QARS1: variants seen among roughly 807,000 people sequenced by gnomAD.
QARS1 encodes the protein glutamine--tRNA ligase.
QARS1 carries 79 observed loss-of-function variants against 106.9 expected under a neutral mutation model. That is an observed-to-expected ratio of 0.74 (90% CI 0.62 to 0.89). QARS1 has a LOEUF of 0.89. QARS1 is among the 40% of genes least tolerant of loss of function. The pLI, the probability that QARS1 is intolerant of heterozygous loss-of-function variation, is 0.00. For missense variants in QARS1, 966 were observed against 997.2 expected (o/e 0.97, Z 0.42); for synonymous variants, 395 against 367.7 (o/e 1.07, Z -0.85).
Position 49,096,615 on chromosome 3 carries a change from C to T in QARS1, c.2278-536G>A, listed in dbSNP as rs532123663. 1.2e-4 allele frequency among the ~76,000 whole-genome samples: 18 copies of T among 151,620 alleles called. No individual in the cohort carries two copies. The South Asian group carries it at 1.3e-3, about 11-fold the overall frequency. ...GAGATCGAGACCATCCTGGCTAACACGGTGAAACCCCGTCTCTACTAAAAA... is the reference window on the plus strand; with the variant it reads ...GAGATCGAGACCATCCTGGCTAACATGGTGAAACCCCGTCTCTACTAAAAA... On this transcript the variant is annotated intron_variant, in intron 23 of 23. Transcript: ENST00000306125.
chr3:49,104,392 G>C lies in QARS1; in HGVS notation c.197C>G (p.Thr66Ser). The C allele has an allele frequency of 6.2e-7, 1 of 1,614,228 alleles. No individual in the cohort carries two copies. The highest frequency in any genetic ancestry group is 8.5e-7 in the Non-Finnish European group (1 of 1,180,042). ...GCTTACAAGGAAGGAGAGACGCCGG[G>C]TATCCCTGAGTCGGGAGGCCAAGCC... ...LYGLASRLRD[T>S]RRLSFLVSYI... Residue 66 changes from threonine (T) to serine (S), a missense_variant, in exon 2 of 24, where the codon ACC becomes AGC. By Grantham distance (58) the Thr-to-Ser change is moderately conservative. Transcript: ENST00000306125.
Position 49,101,701 on chromosome 3 carries a change from C to T in QARS1, c.708G>A (p.Glu236=). 1.2e-6 allele frequency: 2 copies of T among 1,614,106 alleles called. No individual in the cohort carries two copies. The highest frequency in any genetic ancestry group is 1.7e-6 in the Non-Finnish European group (2 of 1,180,020). The change falls in exon 9 of 24, where the codon GAG becomes GAA. Residue 236 remains glutamate (E), a synonymous_variant. Coordinates refer to ENST00000306125, the MANE Select transcript of QARS1 (RefSeq NM_005051.3). ...GEALKFHKPG[E]NYKTPGYVVT... ...CCACATAGCCTGGGGTCTTGTAGTT[C>T]TCACCTGCCAGGACCAGAATAAGCC...
chr3:49,096,219 T>C (rs1008618565), intron 23 of QARS1, 140 bp from the exon 24 acceptor site: 6 of 789,348 alleles, frequency 7.6e-6, no homozygotes, highest in Non-Finnish European at 1.0e-5. Context: ...GAGGCCCGGG[T>C]CCTCAATAAC....
chr3:49,102,414 C>G lies in QARS1; in HGVS notation c.570+5G>C. 1.2e-6 allele frequency: 2 copies of G among 1,614,152 alleles called. No individual in the cohort carries two copies. Among genetic ancestry groups the G allele is most frequent in the Non-Finnish European group, 1.7e-6 (2 of 1,180,022 alleles). ...TCAGGGACTCAGGGCCATGCCCATC[C>G]CTACCTTGAACTTCTTCTCCAGATC... On this transcript the variant is annotated splice_donor_5th_base_variant and intron_variant, in intron 6 of 23. Coordinates refer to ENST00000306125, the MANE Select transcript of QARS1 (RefSeq NM_005051.3).
At position 49,098,670 on chromosome 3, in the gene QARS1, C is replaced by A; in HGVS notation, c.1886G>T (p.Arg629Leu). 6.2e-7 allele frequency: 1 copy of A among 1,604,348 alleles called. No individual in the cohort carries two copies. The highest frequency in any genetic ancestry group is 8.5e-7 in the Non-Finnish European group (1 of 1,175,634). Residue 629 changes from arginine to leucine, a missense_variant, in exon 20 of 24, where the codon CGC becomes CTC. Arg to Leu is a moderately radical substitution (Grantham distance 102). Coordinates refer to ENST00000306125, the MANE Select transcript of QARS1 (RefSeq NM_005051.3). ...GCCCACAGGCTGGCCCCAAGCCAGG[C>A]GCTTAAATCCTGGCTCTGGCTCCTA... ...FKEEPEPGFK[R>L]LAWGQPVGLR... is the part of the protein sequence containing the mutation.
chr3:49,101,590 A>C (rs768419590), intron 9 of QARS1, 30 bp downstream of exon 9: 2 of 1,611,834 alleles, frequency 1.2e-6, no homozygotes. Flanking sequence ...GTTTGATGGC[A>C]CAAGCTCACA....
At position 49,102,252 on chromosome 3, in the gene QARS1, C is replaced by A. The variant is rs781731563; in HGVS notation, c.584G>T (p.Arg195Leu). The change falls in exon 7 of 24, where the codon CGG becomes CTG. Residue 195 changes from arginine to leucine, a missense_variant. Coordinates refer to ENST00000306125, the MANE Select transcript of QARS1 (RefSeq NM_005051.3). ...LEKKFKVAKARLEETDRRTAK... is the reference protein window; with the variant it reads ...LEKKFKVAKALLEETDRRTAK... The stretch of plus-strand genomic sequence containing the variant: ...CGTCCTCCGGTCTGTTTCTTCTAGC[C>A]GAGCTTTTGCCACCTGAAAGAAGCC... 6.2e-7 allele frequency: 1 copy of A among 1,614,184 alleles called. No individual in the cohort carries two copies. The highest frequency in any genetic ancestry group is 2.2e-5 in the East Asian group (1 of 44,886).
In QARS1 at chr3:49,104,225, G is replaced by A. The variant is rs140746243; in HGVS notation, c.265+99C>T. On this transcript the variant is annotated intron_variant, in intron 2 of 23. Transcript: ENST00000306125. ...CCTCAGTGCCTGTGCAGAACTAGGT[G>A]TCTAGAAAGAAACTGGAGGACTTGG... The A allele has an allele frequency of 2.4e-4, 361 of 1,519,416 alleles. 2 individuals carry two copies. Among genetic ancestry groups the A allele is most frequent in the Middle Eastern group, 1.0e-3 (6 of 5,764 alleles). 94.1% of individuals were successfully genotyped at this position (1,519,416 alleles called of 1,614,324 possible).
chr3:49,097,837 T>C (rs2042411146), intron 23 of QARS1, among the ~76,000 whole-genome samples, 155 bp downstream of exon 23: 1 of 152,076 alleles, frequency 6.6e-6, no homozygotes, highest in East Asian at 1.9e-4. Flanking sequence ...TGCCTGGAGT[T>C]ATCCTCAGTG....
chr3:49,100,160 C>A (rs1327134664), intron 13 of QARS1, 30 bp downstream of exon 13: 8 of 1,614,062 alleles, frequency 5.0e-6, no homozygotes, highest in South Asian at 3.3e-5. Flanking sequence ...CTTGGCCCAC[C>A]CAAACCCAGA....
rs1290974855 is a variant in QARS1 at position 49,101,656 on chromosome 3, A to G, written c.753T>C (p.Asn251=). ...PGYVVTPHTM[N]LLKQHLEITG... Reference sequence around the variant, plus strand: ...TAATCTCCAGGTGCTGCTTTAGTAGATTCATGGTGTGTGGAGTGACCACAT... The same window carrying G: ...TAATCTCCAGGTGCTGCTTTAGTAGGTTCATGGTGTGTGGAGTGACCACAT... Residue 251 remains asparagine, a synonymous_variant, in exon 9 of 24, where the codon AAT becomes AAC. Coordinates refer to ENST00000306125, the MANE Select transcript of QARS1 (RefSeq NM_005051.3). 8 of 1,613,834 alleles carry G rather than the reference A, an allele frequency of 5.0e-6. No homozygotes were observed. The highest frequency in any genetic ancestry group is 4.0e-5 in the African/African-American group (3 of 74,870).
intron 23 of QARS1, 26 bp downstream of exon 23, chr3:49,097,966 G>C: frequency 6.2e-7 from 1 of 1,613,778 alleles, no homozygotes; most frequent in Non-Finnish European, 8.5e-7. Context: ...TGCTGCAGAT[G>C]AGGGCAGGTG....
intron 18 of QARS1, 47 bp from the exon 19 acceptor site, chr3:49,099,036 G>T (rs1295580209): frequency 1.2e-6 from 2 of 1,612,630 alleles, no homozygotes; most frequent in Admixed American, 3.3e-5. Flanking sequence ...TCAGCATTAG[G>T]ACCCCCATGC....
rs150380021 is a variant in QARS1 at position 49,098,068 on chromosome 3, A to C, written c.2201T>G (p.Leu734Arg). Reference protein sequence around the residue: ...DAALVDCSVALAKPFDKFQFE... With the variant: ...DAALVDCSVARAKPFDKFQFE... ...CTGGAACTTGTCGAAGGGTTTTGCC[A>C]GGGCCACAGAGCAGTCCACTAATGC... is the stretch of plus-strand genomic sequence containing the variant. The change falls in exon 23 of 24, where the codon CTG becomes CGG. Residue 734 changes from leucine to arginine, a missense_variant. Physicochemically the swap from Leu to Arg is moderately radical, Grantham distance 102. Transcript: ENST00000306125. 1 of 1,614,108 alleles carries C rather than the reference A, an allele frequency of 6.2e-7. No individual in the cohort carries two copies. Among genetic ancestry groups the C allele is most frequent in the African/African-American group, 1.3e-5 (1 of 74,936 alleles).
chr3:49,097,814 A>G (rs2042410951), intron 23 of QARS1, among the ~76,000 whole-genome samples, 178 bp downstream of exon 23: 1 of 152,152 alleles, frequency 6.6e-6, no homozygotes, highest in Admixed American at 6.6e-5. Context: ...GGCAGCCTTC[A>G]TACAAAATTT....
intron 19 of QARS1, 52 bp downstream of exon 19, chr3:49,098,833 T>TTCCC (rs1488751297): frequency 2.0e-6 from 3 of 1,532,628 alleles, no homozygotes; most frequent in Non-Finnish European, 2.7e-6. Context: ...AGATGAAAGG[T>TTCCC]TCCCAGTACC....
At chr3:49,099,317 G>C (rs560075735) in intron 17 of QARS1, 27 bp downstream of exon 17, 1 of 1,614,172 alleles carries the variant, frequency 6.2e-7, no homozygotes. Context: ...AACCCCCAAT[G>C]TATCTACCCA....
In QARS1 at chr3:49,096,087, G is replaced by A; in HGVS notation, c.2278-8C>T. 1.2e-6 allele frequency: 2 copies of A among 1,613,546 alleles called. No homozygotes were observed. Among genetic ancestry groups the A allele is most frequent in the Non-Finnish European group, 1.7e-6 (2 of 1,179,804 alleles). On this transcript the variant is annotated splice_polypyrimidine_tract_variant and splice_region_variant and intron_variant, in intron 23 of 23. Coordinates refer to ENST00000306125, the MANE Select transcript of QARS1 (RefSeq NM_005051.3). ...AGTTCGGTTAAAGACAAGCTGGAGG[G>A]CAGAGGGAAAAGGATGACCACCAAC...
At chr3:49,103,188 G>T in intron 5 of QARS1, 157 bp downstream of exon 5, 1 of 752,796 alleles carries the variant, frequency 1.3e-6, no homozygotes, top group Non-Finnish European at 2.3e-6. Context: ...GAACTCCTGG[G>T]CTCAAGTAAT....
Sources: allele counts gnomAD v4.1 joint callset (sites outside exome capture counted in the v4.1 genomes callset), GRCh38; gene constraint gnomAD v4.1.1; transcripts MANE v1.5; gene names NCBI Gene and HGNC (gene_info 2026-07-23, HGNC 2026-07-21).